Variants in EDA observed in about 807,000 individuals in gnomAD.
The protein encoded by EDA is ectodysplasin A.
EDA carries 2 observed loss-of-function variants against 23.6 expected under a neutral mutation model. The observed-to-expected ratio is 0.08, with a 90% CI of 0.03 to 0.27. The LOEUF (loss-of-function observed/expected upper bound fraction) is 0.27, where lower values mean the gene tolerates loss of function less well. Ranked by LOEUF, EDA falls within the 10% of genes least tolerant of loss-of-function variation. EDA has a pLI of 1.00. For synonymous variants in EDA, 131 were observed against 132.0 expected, an observed-to-expected ratio of 0.99 and a Z score of 0.05; for missense variants, 229 against 324.2, an observed-to-expected ratio of 0.71 and a Z score of 2.26.
At chrX:69,922,302 A>T (rs757402285) in intron 1 of EDA, among the ~76,000 whole-genome samples, 1 of 112,180 alleles carries the variant, frequency 8.9e-6, no homozygotes, top group East Asian at 2.8e-4. Flanking sequence ...TAAGTTTCAA[A>T]TCAGTTGGGT....
intron 1 of EDA, among the ~76,000 whole-genome samples, chrX:69,671,155 G>A (rs780042478): frequency 6.5e-4 from 72 of 111,625 alleles, no homozygotes; most frequent in Non-Finnish European, 1.2e-3. Context: ...GGGCACAATG[G>A]TGTAGTCTTT....
At chrX:69,784,884 G>A (rs1403716770) in intron 1 of EDA, among the ~76,000 whole-genome samples, 1 of 110,879 alleles carries the variant, frequency 9.0e-6, no homozygotes, top group African/African-American at 3.3e-5. Context: ...ACCTTGGGCA[G>A]CATGGCCATT....
At chrX:69,701,152 G>T (rs966696233) in intron 1 of EDA, among the ~76,000 whole-genome samples, 11 of 111,749 alleles carry the variant, frequency 9.8e-5, no homozygotes, top group Non-Finnish European at 2.1e-4. Flanking sequence ...CACCATCAGA[G>T]TTACCCTTGG....
intron 1 of EDA, among the ~76,000 whole-genome samples, chrX:69,809,453 T>C (rs959930916): frequency 1.1e-4 from 12 of 111,166 alleles, no homozygotes; most frequent in East Asian, 5.7e-4. Flanking sequence ...ACTGAGTCCC[T>C]CCCTCCAACA....
chrX:70,030,723 T>G (rs2020187063), intron 6 of EDA, among the ~76,000 whole-genome samples: 1 of 112,254 alleles, frequency 8.9e-6, no homozygotes, highest in South Asian at 3.7e-4. Context: ...CCAAATTGCT[T>G]TAGAATCACT....
chrX:69,865,054 AAAAC>A (rs1206481201), intron 1 of EDA, among the ~76,000 whole-genome samples: 1 of 110,838 alleles, frequency 9.0e-6, no homozygotes, highest in Non-Finnish European at 1.9e-5. Context: ...GCATAAATAA[AAAAC>A]AATCACAACT....
At chrX:69,773,910 G>A (rs1453516615) in intron 1 of EDA, among the ~76,000 whole-genome samples, 2 of 111,584 alleles carry the variant, frequency 1.8e-5, no homozygotes, top group Admixed American at 9.5e-5. Flanking sequence ...TGTGGGTGCT[G>A]GATATTTTTT....
chrX:69,705,127 G>A (rs1180864351), intron 1 of EDA, among the ~76,000 whole-genome samples: 2 of 107,683 alleles, frequency 1.9e-5, no homozygotes. Context: ...GGAGGCTGAG[G>A]CAGGAGAATG....
chrX:69,996,381 G>T (rs1193440930), intron 2 of EDA, among the ~76,000 whole-genome samples: 1 of 111,567 alleles, frequency 9.0e-6, no homozygotes, highest in African/African-American at 3.3e-5. Flanking sequence ...AAGGTCCAAA[G>T]AGCTAATTTC....
chrX:69,890,396 C>CA (rs1411549549), intron 1 of EDA, among the ~76,000 whole-genome samples: 161 of 98,649 alleles, frequency 1.6e-3, no homozygotes, highest in African/African-American at 4.4e-3. Context: ...TATATGGAAC[C>CA]AAAAAAAAAA....
chrX:69,916,123 A>C (rs767555429), intron 1 of EDA, among the ~76,000 whole-genome samples: 1 of 111,913 alleles, frequency 8.9e-6, no homozygotes, highest in East Asian at 2.8e-4. Context: ...CCACATCTAC[A>C]AAATGGGAAT....
intron 1 of EDA, among the ~76,000 whole-genome samples, chrX:69,633,139 G>C (rs947653322): frequency 8.9e-6 from 1 of 111,752 alleles, no homozygotes; most frequent in Admixed American, 9.5e-5. Flanking sequence ...TTGCTCACCA[G>C]TGACCTTCAT....
chrX:70,000,129 T>G (rs2019720485), intron 2 of EDA, among the ~76,000 whole-genome samples: 1 of 112,264 alleles, frequency 8.9e-6, no homozygotes, highest in Non-Finnish European at 1.9e-5. Flanking sequence ...TAGTACTTAA[T>G]GGTAAATATA....
chrX:69,631,072 T>C (rs1022540866), intron 1 of EDA, among the ~76,000 whole-genome samples: 4 of 111,785 alleles, frequency 3.6e-5, no homozygotes. Context: ...CAATTTATCA[T>C]TGCAGCTAAA....
At chrX:69,781,438 C>T (rs1020451318) in intron 1 of EDA, among the ~76,000 whole-genome samples, 1 of 111,539 alleles carries the variant, frequency 9.0e-6, no homozygotes, top group Non-Finnish European at 1.9e-5. Context: ...ATTGGAACAC[C>T]ACCACATTCA....
intron 1 of EDA, among the ~76,000 whole-genome samples, chrX:69,778,964 A>G (rs1386736294): frequency 8.9e-6 from 1 of 111,738 alleles, no homozygotes; most frequent in Admixed American, 9.5e-5. Flanking sequence ...TATAGTGTGT[A>G]AGTAGCCATA....
At chrX:69,988,519 T>C (rs1214122622) in intron 2 of EDA, among the ~76,000 whole-genome samples, 1 of 111,637 alleles carries the variant, frequency 9.0e-6, no homozygotes, top group Non-Finnish European at 1.9e-5. Context: ...CATAAATATA[T>C]ACACCTACTG....
chrX:69,785,112 A>G (rs373723712), intron 1 of EDA, among the ~76,000 whole-genome samples: 1 of 103,160 alleles, frequency 9.7e-6, no homozygotes, highest in Admixed American at 1.1e-4. Context: ...TTGGTGTATA[A>G]GAATGCTTGT....
chrX:69,889,135 T>TTTTA (rs1195357182), intron 1 of EDA, among the ~76,000 whole-genome samples: 1 of 102,239 alleles, frequency 9.8e-6, no homozygotes, highest in Admixed American at 1.1e-4. Flanking sequence ...GTTTTTTACT[T>TTTTA]TTTATTTATT....
Sources: gnomAD v4.1 joint callset for allele counts (sites outside exome capture counted in the v4.1 genomes callset) on GRCh38, gnomAD v4.1.1 for gene constraint, MANE v1.5 for transcripts, NCBI Gene and HGNC (gene_info 2026-07-23, HGNC 2026-07-21) for gene names.